The following ACBD6 variants were observed in gnomAD, a reference collection of about 807,000 sequenced individuals.
The protein encoded by ACBD6 is acyl-CoA binding domain containing 6.
Under a neutral mutation model 37.2 loss-of-function variants are expected in ACBD6, and 28 were observed. That is an observed-to-expected ratio of 0.75 (90% CI 0.56 to 1.03). The LOEUF (loss-of-function observed/expected upper bound fraction) is 1.03. Among genes scored for constraint, ACBD6 ranks in the 50% least tolerant of loss-of-function variants. The probability of loss-of-function intolerance (pLI) is 0.00; values close to 1 mark genes in which losing one functional copy is unlikely to be tolerated. For synonymous variants in ACBD6, 113 were observed against 126.8 expected (o/e 0.89, Z 0.73); for missense variants, 340 against 337.4 (o/e 1.01, Z -0.06).
At chr1:180,459,967 CTTTTTTT>C (rs67323272) in intron 3 of ACBD6, among the ~76,000 whole-genome samples, 1,180 of 107,972 alleles carry the variant, frequency 0.011, 21 homozygotes, top group African/African-American at 0.037. Flanking sequence ...CAGACTGCTT[CTTTTTTT>C]TTTTTTTTTT....
chr1:180,502,106 T>C lies in ACBD6; in HGVS notation c.161A>G (p.Gln54Arg), dbSNP rs1652005919. The C allele has an allele frequency of 6.2e-7, 1 of 1,613,940 alleles. No homozygotes were observed. Among genetic ancestry groups the C allele is most frequent in the Non-Finnish European group, 8.5e-7 (1 of 1,179,920 alleles). Residue 54 changes from glutamine to arginine, a missense_variant, in exon 1 of 8, where the codon CAA becomes CGA. Gln to Arg is a conservative substitution (Grantham distance 43). Coordinates refer to ENST00000367595, the MANE Select transcript of ACBD6 (RefSeq NM_032360.4). ...ELFEKAAAHL[Q>R]GLIQVASREQ... ...CCTGCTGGCCACCTGAATCAGGCCTTGCAGGTGCGCGGCAGCCTTCTCAAA... is the reference window on the plus strand; with the variant it reads ...CCTGCTGGCCACCTGAATCAGGCCTCGCAGGTGCGCGGCAGCCTTCTCAAA...
chr1:180,394,839 G>T (rs1463857290), intron 6 of ACBD6, among the ~76,000 whole-genome samples: 1 of 152,076 alleles, frequency 6.6e-6, no homozygotes, highest in Non-Finnish European at 1.5e-5. Context: ...TAGATGAGTT[G>T]ATAAAAACCA....
chr1:180,450,845 T>C (rs916004214), intron 3 of ACBD6, among the ~76,000 whole-genome samples: 3 of 151,900 alleles, frequency 2.0e-5, no homozygotes, highest in Non-Finnish European at 4.4e-5. Flanking sequence ...AAAGCAAAAA[T>C]ATAACAGAGT....
At position 180,351,866 on chromosome 1, in the gene ACBD6, A is replaced by G. The variant is rs75613059; in HGVS notation, c.664-37144T>C. Among the ~76,000 whole-genome samples the G allele has an allele frequency of 6.7e-3, 1,014 of 152,342 alleles. 17 individuals are homozygous for G. The highest frequency in any genetic ancestry group is 0.023 in the African/African-American group (968 of 41,562). ...TTATATCCATGTTCACAGTGGCATC[A>G]TATACAATAACCAAAAGGTGGGAAC... On this transcript the variant is annotated intron_variant, in intron 6 of 7. Transcript: ENST00000367595.
At chr1:180,446,674 T>G (rs1261772907) in intron 3 of ACBD6, among the ~76,000 whole-genome samples, 1 of 152,226 alleles carries the variant, frequency 6.6e-6, no homozygotes, top group Non-Finnish European at 1.5e-5. Context: ...CATAAACGTA[T>G]GTTTTTAACC....
rs540503189 is a variant in ACBD6, at chr1:180,352,609, G to A, written c.664-37887C>T. Among the ~76,000 whole-genome samples, 6 of 152,304 alleles carry A rather than the reference G, an allele frequency of 3.9e-5. No individual in the cohort carries two copies. In the South Asian group the frequency reaches 1.0e-3, roughly 26 times the overall value. On this transcript the variant is annotated intron_variant, in intron 6 of 7. Coordinates refer to ENST00000367595, the MANE Select transcript of ACBD6 (RefSeq NM_032360.4). The stretch of plus-strand genomic sequence containing the variant: ...AGATGGCATTTGAGACAGTGTGGAT[G>A]GAAGCATGTGAGAGACAGTAAGGGT...
At chr1:180,490,479 CAA>C (rs35208205) in intron 3 of ACBD6, among the ~76,000 whole-genome samples, 1 of 135,286 alleles carries the variant, frequency 7.4e-6, no homozygotes. Context: ...CCTATCTCTA[CAA>C]AAAAAAAAAA....
chr1:180,369,908 T>C (rs1158167420), intron 6 of ACBD6, among the ~76,000 whole-genome samples: 3 of 152,234 alleles, frequency 2.0e-5, no homozygotes, highest in Non-Finnish European at 4.4e-5. Flanking sequence ...TGACCAGATA[T>C]ATCAAGAAAG....
At chr1:180,365,810 T>C (rs1429759779) in intron 6 of ACBD6, among the ~76,000 whole-genome samples, 2 of 152,224 alleles carry the variant, frequency 1.3e-5, no homozygotes, top group African/African-American at 4.8e-5. Flanking sequence ...TGCTCCATAT[T>C]CTATAATTAT....
chr1:180,398,581 T>G (rs1258823561), intron 5 of ACBD6, among the ~76,000 whole-genome samples: 2 of 152,164 alleles, frequency 1.3e-5, no homozygotes, highest in East Asian at 1.9e-4. Flanking sequence ...TATTAGGAGA[T>G]AAAGTACTAA....
At chr1:180,311,416 CAT>C (rs1278443891) in intron 7 of ACBD6, among the ~76,000 whole-genome samples, 1 of 152,136 alleles carries the variant, frequency 6.6e-6, no homozygotes, top group Admixed American at 6.6e-5. Context: ...TCAGACTATT[CAT>C]AGTTCTTTCT....
At chr1:180,401,543 G>A (rs1173018469) in intron 5 of ACBD6, among the ~76,000 whole-genome samples, 2 of 151,998 alleles carry the variant, frequency 1.3e-5, no homozygotes. Context: ...CAGCACTTTG[G>A]GAGTCCGAGG....
At chr1:180,435,225 TACGA>T in intron 3 of ACBD6, 1 of 678,852 alleles carries the variant, frequency 1.5e-6, no homozygotes, top group Non-Finnish European at 2.8e-6. Flanking sequence ...GGTGCTGGGT[TACGA>T]GGGCTGGCTG....
intron 3 of ACBD6, among the ~76,000 whole-genome samples, chr1:180,481,648 T>C (rs1218175610): frequency 6.6e-6 from 1 of 152,186 alleles, no homozygotes; most frequent in Non-Finnish European, 1.5e-5. Context: ...GCTCTAAAAA[T>C]GCTAATTAAA....
At chr1:180,353,589 A>G (rs1302938102) in intron 6 of ACBD6, among the ~76,000 whole-genome samples, 1 of 152,000 alleles carries the variant, frequency 6.6e-6, no homozygotes, top group Non-Finnish European at 1.5e-5. Flanking sequence ...TTAAAATTAA[A>G]ATTGTATTTA....
chr1:180,338,060 G>T (rs1399383843), intron 6 of ACBD6, among the ~76,000 whole-genome samples: 1 of 152,138 alleles, frequency 6.6e-6, no homozygotes, highest in Non-Finnish European at 1.5e-5. Context: ...CCAAACAAAT[G>T]CTCATGGATA....
intron 5 of ACBD6, among the ~76,000 whole-genome samples, chr1:180,406,638 T>G (rs572331004): frequency 6.9e-4 from 105 of 152,292 alleles, no homozygotes; most frequent in African/African-American, 2.5e-3. Flanking sequence ...TTTATTTCAA[T>G]GTGTGGGAAT....
intron 3 of ACBD6, among the ~76,000 whole-genome samples, chr1:180,488,091 T>A (rs527953402): frequency 6.7e-6 from 1 of 149,832 alleles, no homozygotes; most frequent in South Asian, 2.1e-4. Context: ...AAAAAATGTA[T>A]TTGTGTGTGT....
intron 6 of ACBD6, among the ~76,000 whole-genome samples, chr1:180,357,587 G>A (rs778493052): frequency 6.6e-6 from 1 of 152,168 alleles, no homozygotes; most frequent in Non-Finnish European, 1.5e-5. Flanking sequence ...ATCAAAAAAG[G>A]TAACTTTATA....
Sources: gnomAD v4.1 joint callset for allele counts (sites outside exome capture counted in the v4.1 genomes callset) on GRCh38, gnomAD v4.1.1 for gene constraint, MANE v1.5 for transcripts, NCBI Gene and HGNC (gene_info 2026-07-23, HGNC 2026-07-21) for gene names.